DPRX: variants seen among roughly 807,000 people sequenced by gnomAD.
DPRX encodes divergent paired-related homeobox.
A neutral mutation model predicts 8.4 loss-of-function variants in DPRX; 11 were observed. The observed-to-expected ratio is 1.31, with a 90% confidence interval of 0.82 to 2.17. The LOEUF is 2.17. DPRX is among the 30% of genes most tolerant of loss of function. The pLI, the probability that DPRX is intolerant of heterozygous loss-of-function variation, is 0.00. For synonymous variants in DPRX, 72 were observed against 87.0 expected (o/e 0.83, Z 0.96); for missense variants, 211 against 236.7 (o/e 0.89, Z 0.71).
intron 1 of DPRX, among the ~76,000 whole-genome samples, chr19:53,633,924 G>T (rs1600571434): frequency 6.6e-6 from 1 of 152,054 alleles, no homozygotes; most frequent in East Asian, 1.9e-4. Flanking sequence ...GATTACAGGC[G>T]TGAGCAAGGG....
the DPRX span, among the ~76,000 whole-genome samples, chr19:53,614,419 C>T: frequency 1.3e-5 from 2 of 152,032 alleles, no homozygotes; most frequent in East Asian, 1.9e-4. Context: ...CCTTAATAGG[C>T]GGACCACGGT....
the DPRX span, among the ~76,000 whole-genome samples, chr19:53,609,445 C>T: frequency 1.8e-3 from 222 of 125,490 alleles, no homozygotes; most frequent in Middle Eastern, 5.1e-3. Flanking sequence ...TTAGCCTGGG[C>T]GACAGAGCGA....
chr19:53,613,843 G>A, the DPRX span, among the ~76,000 whole-genome samples: 1 of 152,014 alleles, frequency 6.6e-6, no homozygotes, highest in Non-Finnish European at 1.5e-5. Context: ...CTCCAATGAC[G>A]AAGGAGATTG....
the DPRX span, among the ~76,000 whole-genome samples, chr19:53,622,909 T>C: frequency 0.025 from 3,802 of 152,214 alleles, 127 homozygotes; most frequent in East Asian, 0.16. Context: ...CACAGCCCCT[T>C]ATATTGACTG....
chr19:53,634,815 CG>C (rs1188258820), intron 2 of DPRX, 130 bp downstream of exon 2: 9 of 1,286,338 alleles, frequency 7.0e-6, no homozygotes, highest in Non-Finnish European at 9.4e-6. Context: ...CTCCTACTCA[CG>C]TCCCCGTAAA....
chr19:53,617,088 C>T, the DPRX span: 5 of 1,287,288 alleles, frequency 3.9e-6, no homozygotes, highest in East Asian at 1.2e-4. Flanking sequence ...TTCCTGTTTA[C>T]AATGGGAGGT....
the DPRX span, among the ~76,000 whole-genome samples, chr19:53,609,966 C>T: frequency 6.6e-6 from 1 of 151,592 alleles, no homozygotes; most frequent in Non-Finnish European, 1.5e-5. Context: ...GCCTGGGCAA[C>T]AGAGCAAGAC....
exon 2 of DPRX, chr19:53,634,541 G>C: frequency 1.2e-6 from 2 of 1,613,066 alleles, no homozygotes; most frequent in South Asian, 2.2e-5. Context: ...GCAAGGACCA[G>C]ATGCATTCAC....
chr19:53,602,481 T>G, the DPRX span, among the ~76,000 whole-genome samples: 17 of 151,040 alleles, frequency 1.1e-4, no homozygotes, highest in African/African-American at 3.7e-4. Flanking sequence ...TGCCTCAGCC[T>G]CCCAAGTAGC....
the DPRX span, among the ~76,000 whole-genome samples, chr19:53,601,846 G>C: frequency 6.6e-6 from 1 of 152,102 alleles, no homozygotes; most frequent in Non-Finnish European, 1.5e-5. Flanking sequence ...GGGAAGTACT[G>C]ATATGTGGGG....
At chr19:53,633,996 C>G (rs748395074) in intron 1 of DPRX, among the ~76,000 whole-genome samples, 2 of 152,162 alleles carry the variant, frequency 1.3e-5, no homozygotes, top group Middle Eastern at 3.2e-3. Flanking sequence ...AAGGAACAAC[C>G]TTTTCCTATG....
intron 1 of DPRX, among the ~76,000 whole-genome samples, chr19:53,632,751 T>C (rs1281541782): frequency 6.6e-6 from 1 of 151,774 alleles, no homozygotes; most frequent in Non-Finnish European, 1.5e-5. Context: ...GCCGCGGCTG[T>C]CATCTGACAG....
the DPRX span, chr19:53,617,333 C>G: frequency 3.6e-6 from 2 of 555,494 alleles, no homozygotes; most frequent in Non-Finnish European, 6.6e-6. Flanking sequence ...CCGAGGCGAG[C>G]GGATTATCTG....
At chr19:53,619,686 A>C in the DPRX span, among the ~76,000 whole-genome samples, 750 of 137,506 alleles carry the variant, frequency 5.5e-3, 17 homozygotes, top group Admixed American at 0.038. Context: ...AAAAAAAAAA[A>C]AAACAAAAAA....
the DPRX span, among the ~76,000 whole-genome samples, chr19:53,602,789 A>C: frequency 6.8e-6 from 1 of 147,384 alleles, no homozygotes; most frequent in South Asian, 2.2e-4. Context: ...CCCCCCCGGC[A>C]CCCGGCCTCC....
chr19:53,615,212 C>T, the DPRX span, among the ~76,000 whole-genome samples: 2 of 151,340 alleles, frequency 1.3e-5, no homozygotes, highest in Non-Finnish European at 2.9e-5. Flanking sequence ...CCTTAGGTGA[C>T]CCGCCCACCT....
chr19:53,620,491 C>A, the DPRX span, among the ~76,000 whole-genome samples: 1 of 151,662 alleles, frequency 6.6e-6, no homozygotes, highest in Non-Finnish European at 1.5e-5. Context: ...GCCTCCTGAG[C>A]AGCTGGGATT....
At position 53,634,334 on chromosome 19, in the gene DPRX, G is replaced by A. The variant is rs143585019; in HGVS notation, c.29-197G>A. 4.4e-3 allele frequency among the ~76,000 whole-genome samples: 675 copies of A among 152,278 alleles called. 5 individuals are homozygous for A. The highest frequency in any genetic ancestry group is 0.016 in the African/African-American group (650 of 41,566). The stretch of plus-strand genomic sequence containing the variant: ...TAATCCCAGCTACTCGGGAGGCTGA[G>A]GCAGGAGAATCGCTTGAACTCAGGA... On this transcript the variant is annotated intron_variant, in intron 1 of 2. Transcript: ENST00000376650.
chr19:53,607,084 G>C, the DPRX span: 1 of 152,894 alleles, frequency 6.5e-6, no homozygotes, highest in Non-Finnish European at 1.5e-5. Context: ...AAGAAACATT[G>C]GTAAGGTGTG....
Sources: allele counts gnomAD v4.1 joint callset (sites outside exome capture counted in the v4.1 genomes callset), GRCh38; gene constraint gnomAD v4.1.1; transcripts MANE v1.5; gene names NCBI Gene and HGNC (gene_info 2026-07-23, HGNC 2026-07-21).